Variants in CEP83 observed in about 807,000 individuals in gnomAD.
CEP83 encodes the protein centrosomal protein 83.
Under a neutral mutation model 101.9 loss-of-function variants are expected in CEP83, and 70 were observed. That is an observed-to-expected ratio of 0.69 (90% CI 0.57 to 0.84). CEP83 has a LOEUF of 0.84. CEP83 is among the 40% of genes least tolerant of loss of function. CEP83 has a pLI of 0.00. For missense variants in CEP83, 715 were observed against 787.2 expected (o/e 0.91, Z 1.10); for synonymous variants, 264 against 267.9 (o/e 0.99, Z 0.14).
intron 16 of CEP83, 71 bp downstream of exon 16, chr12:94,309,847 C>G: frequency 1.0e-6 from 1 of 998,478 alleles, no homozygotes; most frequent in African/African-American, 1.6e-5. Context: ...TGAGTTTTAT[C>G]ACCATATTTA....
chr12:94,347,026 A>G (rs532629187), intron 11 of CEP83, among the ~76,000 whole-genome samples: 2 of 149,806 alleles, frequency 1.3e-5, no homozygotes, highest in Admixed American at 1.3e-4. Context: ...CAACAGAGCA[A>G]GATCCTGTAT....
intron 2 of CEP83, among the ~76,000 whole-genome samples, chr12:94,417,199 T>C (rs994079194): frequency 2.0e-5 from 3 of 152,010 alleles, no homozygotes; most frequent in Middle Eastern, 6.8e-3. Context: ...TGTGCCTATA[T>C]GCCCAGGTAC....
the CEP83 span, chr12:94,294,460 C>T: frequency 9.3e-7 from 1 of 1,074,188 alleles, no homozygotes; most frequent in Non-Finnish European, 1.4e-6. Flanking sequence ...TTTGAACACT[C>T]ATATATCTTT....
intron 2 of CEP83, among the ~76,000 whole-genome samples, chr12:94,415,442 T>C (rs1168315210): frequency 6.6e-6 from 1 of 152,114 alleles, no homozygotes; most frequent in African/African-American, 2.4e-5. Context: ...GTAAATTGTT[T>C]ATAGGTTTGT....
chr12:94,349,254 C>T (rs543852160), intron 11 of CEP83, among the ~76,000 whole-genome samples: 8 of 145,662 alleles, frequency 5.5e-5, no homozygotes, highest in Non-Finnish European at 1.2e-4. Flanking sequence ...CACTGCACTC[C>T]AGCCTGGGTG....
chr12:94,272,147 C>T, the CEP83 span: 2 of 152,234 alleles, frequency 1.3e-5, no homozygotes, highest in Non-Finnish European at 2.9e-5. Context: ...TCATAACCCT[C>T]CTTGGTAATA....
intron 2 of CEP83, chr12:94,424,689 T>G: frequency 6.2e-7 from 1 of 1,611,258 alleles, no homozygotes; most frequent in Admixed American, 1.7e-5. Context: ...TTACATTTGT[T>G]TGTGGTCTTG....
rs116766514 is a variant in CEP83, at chr12:94,385,806, A to T, written c.550-6764T>A. 9.3e-3 allele frequency among the ~76,000 whole-genome samples: 1,409 copies of T among 152,320 alleles called. 20 individuals are homozygous for T. Among genetic ancestry groups the T allele is most frequent in the African/African-American group, 0.033 (1,354 of 41,564 alleles). ...TGAGCCACATAATGAAGTTTCAGTC[A>T]ACAACAGTCCACATACATATGACAG... On this transcript the variant is annotated intron_variant, in intron 6 of 16. Transcript: ENST00000397809.
the CEP83 span, chr12:94,297,256 GC>G: frequency 6.2e-7 from 1 of 1,613,360 alleles, no homozygotes; most frequent in Non-Finnish European, 8.5e-7. Flanking sequence ...CCACTGAACT[GC>G]ATGCCTTCTG....
At chr12:94,297,369 G>A in the CEP83 span, 390 of 1,614,024 alleles carry the variant, frequency 2.4e-4, 1 homozygote, top group Non-Finnish European at 2.7e-4. Flanking sequence ...GACATCGAGG[G>A]AAGCACAAGT....
rs368966701 is a variant in CEP83 at position 94,327,137 on chromosome 12, T to G, written c.1707+4563A>C. On this transcript the variant is annotated intron_variant, in intron 14 of 16. Transcript: ENST00000397809. Reference sequence around the variant, plus strand: ...GGAATGATTCTAATTTTTACTTGAGTGGTCCAACACAATCACAGGATAGTC... The same window carrying G: ...GGAATGATTCTAATTTTTACTTGAGGGGTCCAACACAATCACAGGATAGTC... Among the ~76,000 whole-genome samples the G allele has an allele frequency of 1.2e-4, 18 of 152,164 alleles. 1 individual carries two copies. Among genetic ancestry groups the G allele is most frequent in the Admixed American group, 5.9e-4 (9 of 15,276 alleles).
At chr12:94,346,080 T>C (rs1377028334) in intron 11 of CEP83, among the ~76,000 whole-genome samples, 1 of 152,060 alleles carries the variant, frequency 6.6e-6, no homozygotes, top group African/African-American at 2.4e-5. Flanking sequence ...AGACGGGGTC[T>C]TGCTCTGCTG....
At chr12:94,290,356 G>T in the CEP83 span, among the ~76,000 whole-genome samples, 1 of 152,224 alleles carries the variant, frequency 6.6e-6, no homozygotes, top group African/African-American at 2.4e-5. Context: ...ATATGGAGGA[G>T]AATTGAAAAA....
At chr12:94,422,596 A>G (rs1054196267) in intron 2 of CEP83, among the ~76,000 whole-genome samples, 3 of 152,200 alleles carry the variant, frequency 2.0e-5, no homozygotes, top group Non-Finnish European at 2.9e-5. Context: ...TCACTCCAGA[A>G]AGTTCCTTCA....
At chr12:94,332,933 T>C (rs1337467599) in intron 13 of CEP83, among the ~76,000 whole-genome samples, 1 of 151,150 alleles carries the variant, frequency 6.6e-6, no homozygotes, top group African/African-American at 2.4e-5. Context: ...TACAGTGTTC[T>C]ACCACATCTA....
chr12:94,349,587 AAACT>A (rs2136746121), intron 11 of CEP83, among the ~76,000 whole-genome samples: 1 of 152,366 alleles, frequency 6.6e-6, no homozygotes, highest in African/African-American at 2.4e-5. Flanking sequence ...ATGATAAAAC[AAACT>A]AACAAACTCG....
chr12:94,455,561 A>G (rs904081092), intron 1 of CEP83, among the ~76,000 whole-genome samples: 1 of 152,228 alleles, frequency 6.6e-6, no homozygotes, highest in Non-Finnish European at 1.5e-5. Context: ...GTGAGACTGT[A>G]AAAACTACAT....
chr12:94,304,802 AG>A (rs1245590115), downstream of CEP83, among the ~76,000 whole-genome samples: 1 of 152,200 alleles, frequency 6.6e-6, no homozygotes. Flanking sequence ...AGGGAAGGGA[AG>A]GATCTGTCTC....
Position 94,308,414 on chromosome 12 carries a change from A to C in CEP83, c.*399T>G, listed in dbSNP as rs918104130. The C allele has an allele frequency of 1.3e-5, 2 of 154,398 alleles. No individual in the cohort carries two copies. Among genetic ancestry groups the C allele is most frequent in the African/African-American group, 4.8e-5 (2 of 41,472 alleles). The allele number at this position is 154,398 out of a possible 1,614,324, so 9.6% of individuals were successfully genotyped here. ...TTTTTCAACTACAGTTTTTGTATAT[A>C]GTAAACCAGAAGATGTGTATGGACC... On this transcript the variant is annotated 3_prime_UTR_variant, in exon 17 of 17. Coordinates refer to ENST00000397809, the MANE Select transcript of CEP83 (RefSeq NM_016122.3).
Sources: gnomAD v4.1 joint callset for allele counts (sites outside exome capture counted in the v4.1 genomes callset) on GRCh38, gnomAD v4.1.1 for gene constraint, MANE v1.5 for transcripts, NCBI Gene and HGNC (gene_info 2026-07-23, HGNC 2026-07-21) for gene names.